The following VWA3B variants were observed in gnomAD, a reference collection of about 807,000 sequenced individuals.
VWA3B encodes von Willebrand factor A domain containing 3B.
In VWA3B, 138 loss-of-function variants were observed where a neutral mutation model predicts 158.3. That is an observed-to-expected ratio of 0.87 (90% CI 0.76 to 1.00). VWA3B has a LOEUF of 1.00. Ranked by LOEUF, VWA3B falls within the 50% of genes least tolerant of loss-of-function variation. The pLI is 0.00. For missense variants in VWA3B, 1,555 were observed against 1,565.1 expected, an observed-to-expected ratio of 0.99 and a Z score of 0.11; for synonymous variants, 596 against 587.3, an observed-to-expected ratio of 1.01 and a Z score of -0.21.
chr2:98,304,441 G>A (rs1013027525), intron 26 of VWA3B, among the ~76,000 whole-genome samples: 2 of 152,172 alleles, frequency 1.3e-5, no homozygotes, highest in South Asian at 2.1e-4. Context: ...TTGAGCAAGT[G>A]TTGGGGAAAA....
At chr2:98,100,479 C>T (rs1459578203) in intron 2 of VWA3B, among the ~76,000 whole-genome samples, 9 of 152,210 alleles carry the variant, frequency 5.9e-5, no homozygotes, top group South Asian at 4.1e-4. Context: ...CACAGAGGCA[C>T]AACTAAAGCC....
At chr2:98,142,923 C>T (rs1460753698) in intron 7 of VWA3B, among the ~76,000 whole-genome samples, 2 of 152,084 alleles carry the variant, frequency 1.3e-5, no homozygotes, top group Non-Finnish European at 2.9e-5. Context: ...TGTGAAAGTA[C>T]AATACACACT....
intron 21 of VWA3B, among the ~76,000 whole-genome samples, chr2:98,264,020 G>T (rs1687642174): frequency 6.6e-6 from 1 of 151,812 alleles, no homozygotes; most frequent in Admixed American, 6.6e-5. Context: ...CAATTTGTCG[G>T]TGTAATATTG....
At chr2:98,236,209 T>C (rs1685666284) in intron 17 of VWA3B, among the ~76,000 whole-genome samples, 181 bp from the exon 18 acceptor site, 2 of 152,208 alleles carry the variant, frequency 1.3e-5, no homozygotes. Flanking sequence ...TGGTCTGTAG[T>C]GTAAATTGCA....
chr2:98,201,744 G>A (rs1227215117), intron 12 of VWA3B, among the ~76,000 whole-genome samples: 1 of 152,120 alleles, frequency 6.6e-6, no homozygotes, highest in African/African-American at 2.4e-5. Context: ...CATCTGTTGA[G>A]CTTTTGATTT....
chr2:98,241,282 G>C (rs1686057470), intron 19 of VWA3B, among the ~76,000 whole-genome samples: 1 of 152,240 alleles, frequency 6.6e-6, no homozygotes, highest in South Asian at 2.1e-4. Flanking sequence ...TGTGAGTGGA[G>C]AAGGTGATAA....
At chr2:98,173,276 T>TA (rs1679746866) in intron 8 of VWA3B, among the ~76,000 whole-genome samples, 1 of 152,360 alleles carries the variant, frequency 6.6e-6, no homozygotes, top group South Asian at 2.1e-4. Context: ...AGGCAAAGGA[T>TA]AAAATAATAT....
At chr2:98,176,206 T>G (rs572472482) in intron 8 of VWA3B, among the ~76,000 whole-genome samples, 1 of 152,160 alleles carries the variant, frequency 6.6e-6, no homozygotes, top group Admixed American at 6.5e-5. Context: ...CTCCCTCCTT[T>G]CCCAGCTGTC....
chr2:98,106,464 G>A (rs2104881423), intron 2 of VWA3B, among the ~76,000 whole-genome samples: 1 of 152,126 alleles, frequency 6.6e-6, no homozygotes, highest in South Asian at 2.1e-4. Flanking sequence ...ATTAATTAAA[G>A]GAGAATTGAC....
At chr2:98,162,286 T>G (rs575685196) in intron 7 of VWA3B, among the ~76,000 whole-genome samples, 5 of 151,736 alleles carry the variant, frequency 3.3e-5, no homozygotes, top group African/African-American at 4.8e-5. Flanking sequence ...TTGAAAGACA[T>G]AAATATCTAA....
intron 2 of VWA3B, among the ~76,000 whole-genome samples, chr2:98,094,010 T>C (rs182935868): frequency 7.2e-5 from 11 of 152,338 alleles, no homozygotes; most frequent in African/African-American, 2.4e-4. Flanking sequence ...ATTGTGTATA[T>C]ATACTATGTT....
chr2:98,110,434 A>G (rs1172208408), intron 2 of VWA3B, among the ~76,000 whole-genome samples: 1 of 152,122 alleles, frequency 6.6e-6, no homozygotes, highest in Non-Finnish European at 1.5e-5. Context: ...AATTGCCATT[A>G]AGTATGTTTA....
At chr2:98,168,878 G>A (rs1679339176) in intron 8 of VWA3B, among the ~76,000 whole-genome samples, 1 of 152,166 alleles carries the variant, frequency 6.6e-6, no homozygotes, top group Non-Finnish European at 1.5e-5. Flanking sequence ...ACATTAGATG[G>A]GATTCCTGCG....
chr2:98,303,950 A>T, intron 26 of VWA3B, 148 bp downstream of exon 26: 1 of 743,260 alleles, frequency 1.3e-6, no homozygotes, highest in Non-Finnish European at 2.2e-6. Flanking sequence ...CTCTGTGTTT[A>T]TTATTCCTTC....
intron 26 of VWA3B, among the ~76,000 whole-genome samples, chr2:98,306,774 C>T (rs558291890): frequency 6.6e-6 from 1 of 152,334 alleles, no homozygotes; most frequent in South Asian, 2.1e-4. Flanking sequence ...TTATTTAAAG[C>T]TCTTCACTGT....
intron 22 of VWA3B, among the ~76,000 whole-genome samples, chr2:98,287,910 A>G (rs1420874193): frequency 7.2e-5 from 11 of 152,166 alleles, no homozygotes; most frequent in Admixed American, 7.2e-4. Context: ...TATCAATTCT[A>G]TCATTTCTGC....
chr2:98,310,608 T>A (rs1690825455), intron 26 of VWA3B, among the ~76,000 whole-genome samples: 1 of 152,196 alleles, frequency 6.6e-6, no homozygotes, highest in African/African-American at 2.4e-5. Context: ...GGTAGCAATT[T>A]GAGGGATAGT....
At chr2:98,223,916 T>G (rs886696582) in intron 14 of VWA3B, among the ~76,000 whole-genome samples, 2 of 151,904 alleles carry the variant, frequency 1.3e-5, no homozygotes, top group Admixed American at 1.3e-4. Context: ...TTTGTAGAGA[T>G]AGGGTCACAC....
At chr2:98,135,291 T>C (rs1461974256) in intron 7 of VWA3B, among the ~76,000 whole-genome samples, 1 of 151,874 alleles carries the variant, frequency 6.6e-6, no homozygotes, top group East Asian at 1.9e-4. Flanking sequence ...TACCAACCCT[T>C]TGAAGCATGC....
Sources: gnomAD v4.1 joint callset for allele counts (sites outside exome capture counted in the v4.1 genomes callset) on GRCh38, gnomAD v4.1.1 for gene constraint, MANE v1.5 for transcripts, NCBI Gene and HGNC (gene_info 2026-07-23, HGNC 2026-07-21) for gene names.